The following ZNF438 variants were observed in gnomAD, a reference collection of about 807,000 sequenced individuals.
ZNF438 encodes the protein zinc finger protein 438.
Under a neutral mutation model 38.0 loss-of-function variants are expected in ZNF438, and 25 were observed. The observed-to-expected ratio is 0.66, with a 90% CI of 0.48 to 0.92. The LOEUF is 0.92. Ranked by LOEUF, ZNF438 falls within the 40% of genes least tolerant of loss-of-function variation. The pLI, the probability that ZNF438 is intolerant of heterozygous loss-of-function variation, is 0.00. For missense variants in ZNF438, 1,007 were observed against 999.6 expected, an observed-to-expected ratio of 1.01 and a Z score of -0.10; for synonymous variants, 372 against 364.1, an observed-to-expected ratio of 1.02 and a Z score of -0.25.
intron 1 of ZNF438, among the ~76,000 whole-genome samples, chr10:31,008,746 A>G (rs553465454): frequency 6.6e-6 from 1 of 152,292 alleles, no homozygotes; most frequent in Non-Finnish European, 1.5e-5. Flanking sequence ...TTTATGTATA[A>G]GTTTTTGTAT....
intron 3 of ZNF438, among the ~76,000 whole-genome samples, chr10:30,887,617 T>C (rs1203427085): frequency 6.6e-6 from 1 of 152,186 alleles, no homozygotes. Context: ...CTCGAACTCC[T>C]GACCTCCTGA....
chr10:30,970,625 AC>A (rs918947380), intron 1 of ZNF438, among the ~76,000 whole-genome samples: 6 of 152,176 alleles, frequency 3.9e-5, no homozygotes, highest in African/African-American at 1.4e-4. Context: ...CATAAGCACA[AC>A]CTTTTTTTCT....
chr10:31,024,755 G>T (rs2056833679), intron 1 of ZNF438, among the ~76,000 whole-genome samples: 1 of 152,180 alleles, frequency 6.6e-6, no homozygotes, highest in Non-Finnish European at 1.5e-5. Flanking sequence ...GATAATGCAT[G>T]CCCTACACAT....
At chr10:31,020,446 T>C (rs933389322) in intron 1 of ZNF438, among the ~76,000 whole-genome samples, 2 of 152,172 alleles carry the variant, frequency 1.3e-5, no homozygotes, top group African/African-American at 4.8e-5. Flanking sequence ...TGCTTGGTGA[T>C]TGGATATACG....
intron 4 of ZNF438, among the ~76,000 whole-genome samples, chr10:30,861,570 T>C (rs2035585651): frequency 6.6e-6 from 1 of 152,244 alleles, no homozygotes; most frequent in Non-Finnish European, 1.5e-5. Context: ...TTCAGGGCCA[T>C]ATAGTTAATG....
At chr10:30,905,690 A>G (rs2042511358) in intron 3 of ZNF438, among the ~76,000 whole-genome samples, 2 of 152,228 alleles carry the variant, frequency 1.3e-5, no homozygotes, top group Non-Finnish European at 2.9e-5. Context: ...ACAAGGTTAT[A>G]AAGATTTCAG....
At chr10:31,022,513 G>A (rs757298433) in intron 1 of ZNF438, among the ~76,000 whole-genome samples, 4 of 151,974 alleles carry the variant, frequency 2.6e-5, no homozygotes, top group East Asian at 1.9e-4. Flanking sequence ...CACCCACCTC[G>A]GCCTCCCAAA....
In ZNF438 at chr10:30,990,592, T is replaced by C. The variant is rs111868388; in HGVS notation, c.-192+41241A>G. Among the ~76,000 whole-genome samples the C allele has an allele frequency of 1.3e-5, 2 of 152,234 alleles. 1 individual carries two copies. Among genetic ancestry groups the C allele is most frequent in the South Asian group, 4.1e-4 (2 of 4,834 alleles). ...GTATCCTAAACTTCATTAAATTCTA[T>C]GTATAGAACTGCCAAAGGAATCAAA... On this transcript the variant is annotated intron_variant, in intron 1 of 5. Transcript: ENST00000413025.
At chr10:31,026,058 T>G (rs1227879683) in intron 1 of ZNF438, among the ~76,000 whole-genome samples, 1 of 152,124 alleles carries the variant, frequency 6.6e-6, no homozygotes, top group Non-Finnish European at 1.5e-5. Flanking sequence ...GAAACTGGAT[T>G]CCTTCCTTAC....
chr10:30,988,798 T>G (rs1161103067), intron 1 of ZNF438, among the ~76,000 whole-genome samples: 1 of 152,136 alleles, frequency 6.6e-6, no homozygotes, highest in Non-Finnish European at 1.5e-5. Context: ...AGAAAGAATA[T>G]CAATTTTGGC....
At chr10:30,849,381 C>T (rs1352511835) in exon 5 of ZNF438, 19 of 1,614,094 alleles carry the variant, frequency 1.2e-5, no homozygotes, top group Non-Finnish European at 1.6e-5. Flanking sequence ...CTGCTTGCCA[C>T]CTTGGTGGCT....
chr10:30,891,388 T>G (rs1315995178), intron 3 of ZNF438, among the ~76,000 whole-genome samples: 1 of 151,450 alleles, frequency 6.6e-6, no homozygotes, highest in Non-Finnish European at 1.5e-5. Context: ...GTTCCATCTG[T>G]GATTTTTAAA....
chr10:30,915,484 T>G (rs2043519905), intron 2 of ZNF438, among the ~76,000 whole-genome samples: 1 of 152,052 alleles, frequency 6.6e-6, no homozygotes, highest in Admixed American at 6.6e-5. Flanking sequence ...AAAGGAATGT[T>G]TGAATACTTA....
chr10:30,852,533 A>G (rs1006556216), intron 4 of ZNF438, among the ~76,000 whole-genome samples: 1 of 152,230 alleles, frequency 6.6e-6, no homozygotes, highest in Non-Finnish European at 1.5e-5. Context: ...TAATGCCTAC[A>G]GTGAGTGAAT....
intron 5 of ZNF438, among the ~76,000 whole-genome samples, chr10:30,847,639 A>T (rs915644255): frequency 3.3e-5 from 5 of 151,998 alleles, no homozygotes; most frequent in African/African-American, 1.2e-4. Context: ...CCCTTTGGGG[A>T]GCTCTGTCCT....
At chr10:30,890,083 C>CAAAAA (rs71863439) in intron 3 of ZNF438, among the ~76,000 whole-genome samples, 5 of 93,370 alleles carry the variant, frequency 5.4e-5, no homozygotes, top group South Asian at 3.8e-4. Context: ...TTGGCATTTC[C>CAAAAA]AAAAAAAAAA....
At chr10:30,847,630 C>T (rs915877617) in intron 5 of ZNF438, among the ~76,000 whole-genome samples, 4 of 152,240 alleles carry the variant, frequency 2.6e-5, no homozygotes, top group Admixed American at 6.5e-5. Flanking sequence ...GAGCTGCGGC[C>T]CTTTGGGGAG....
intron 3 of ZNF438, among the ~76,000 whole-genome samples, chr10:30,902,110 CACAGTGTGG>C (rs1160590942): frequency 6.6e-6 from 1 of 152,088 alleles, no homozygotes; most frequent in African/African-American, 2.4e-5. Flanking sequence ...ACAAAGCTTC[CACAGTGTGG>C]AAGACTACCT....
intron 1 of ZNF438, among the ~76,000 whole-genome samples, chr10:31,031,548 G>C (rs980964212): frequency 5.9e-5 from 9 of 152,190 alleles, no homozygotes; most frequent in Admixed American, 1.3e-4. Flanking sequence ...TCTCCATTTG[G>C]ACTTTCCGCC....
Sources: allele counts gnomAD v4.1 joint callset (sites outside exome capture counted in the v4.1 genomes callset), GRCh38; gene constraint gnomAD v4.1.1; transcripts MANE v1.5; gene names NCBI Gene and HGNC (gene_info 2026-07-23, HGNC 2026-07-21).